CDKL1: variants seen among roughly 807,000 people sequenced by gnomAD.
CDKL1 encodes cyclin-dependent kinase-like 1.
In CDKL1, 41 loss-of-function variants were observed where a neutral mutation model predicts 42.0. The observed-to-expected ratio is 0.98, with a 90% CI of 0.76 to 1.27. The LOEUF is 1.27. Ranked by LOEUF, CDKL1 falls within the 50% of genes most tolerant of loss-of-function variation. The pLI is 0.00. For synonymous variants in CDKL1, 153 were observed against 158.6 expected (o/e 0.96, Z 0.26); for missense variants, 394 against 428.4 (o/e 0.92, Z 0.71).
chr14:50,354,995 C>G (rs1226068609), intron 3 of CDKL1, among the ~76,000 whole-genome samples: 2 of 151,924 alleles, frequency 1.3e-5, no homozygotes. Flanking sequence ...GATTACTTGT[C>G]TTTTTTCCCA....
At chr14:50,369,921 TTA>T (rs2034543360) in intron 2 of CDKL1, among the ~76,000 whole-genome samples, 3 of 152,140 alleles carry the variant, frequency 2.0e-5, no homozygotes, top group African/African-American at 7.2e-5. Flanking sequence ...GCCTGGCTAA[TTA>T]TATATGTTTA....
chr14:50,332,008 C>G (rs759502419), intron 9 of CDKL1: 1 of 1,532,698 alleles, frequency 6.5e-7, no homozygotes. Flanking sequence ...TTGTTGAGAC[C>G]TGTGCTCATG....
intron 3 of CDKL1, among the ~76,000 whole-genome samples, chr14:50,350,340 G>T (rs553536369): frequency 2.0e-5 from 3 of 152,196 alleles, no homozygotes; most frequent in Non-Finnish European, 4.4e-5. Flanking sequence ...AGTGGGGAAG[G>T]GCTAGAACAG....
intron 4 of CDKL1, chr14:50,342,906 C>T (rs1416888203): frequency 1.3e-5 from 17 of 1,334,712 alleles, no homozygotes; most frequent in East Asian, 5.0e-5. Context: ...CAGCCCTCAC[C>T]CTCTGGGGAG....
intron 2 of CDKL1, among the ~76,000 whole-genome samples, chr14:50,368,443 T>G (rs900248790): frequency 2.0e-5 from 3 of 151,398 alleles, no homozygotes; most frequent in South Asian, 2.1e-4. Flanking sequence ...TTTAAAATTT[T>G]TTTAGAGACA....
chr14:50,384,124 GCT>G (rs2035004183), intron 2 of CDKL1, among the ~76,000 whole-genome samples: 1 of 152,196 alleles, frequency 6.6e-6, no homozygotes, highest in South Asian at 2.1e-4. Context: ...GCAAGGGAAT[GCT>G]CTGTTTTGTC....
intron 8 of CDKL1, 126 bp downstream of exon 8, chr14:50,334,439 G>A: frequency 2.8e-6 from 2 of 708,410 alleles, no homozygotes; most frequent in Non-Finnish European, 5.0e-6. Flanking sequence ...GTGAGCCACT[G>A]CCCAGCCAGG....
intron 3 of CDKL1, among the ~76,000 whole-genome samples, chr14:50,354,666 A>T (rs2034003901): frequency 6.6e-6 from 1 of 152,246 alleles, no homozygotes; most frequent in African/African-American, 2.4e-5. Flanking sequence ...ACTGGGAATT[A>T]TAATTGACAT....
intron 2 of CDKL1, among the ~76,000 whole-genome samples, chr14:50,359,574 TCTTA>T (rs1483223288): frequency 6.6e-6 from 1 of 152,102 alleles, no homozygotes; most frequent in Admixed American, 6.5e-5. Context: ...AATATGTAAT[TCTTA>T]CTTAGTAATT....
chr14:50,339,514 GAGGGAGGA>G (rs1252697521), intron 6 of CDKL1, among the ~76,000 whole-genome samples: 1 of 146,230 alleles, frequency 6.8e-6, no homozygotes, highest in African/African-American at 2.5e-5. Flanking sequence ...GGAAGAGAGG[GAGGGAGGA>G]AGAGAGGGAG....
intron 2 of CDKL1, among the ~76,000 whole-genome samples, chr14:50,375,864 T>C (rs1312465524): frequency 6.6e-6 from 1 of 152,050 alleles, no homozygotes; most frequent in Non-Finnish European, 1.5e-5. Flanking sequence ...CGTGGTCTTC[T>C]AGCCCATAAC....
chr14:50,362,975 G>A lies in CDKL1; in HGVS notation c.169-3826C>T, dbSNP rs11570811. ...GCTGCTCACGCTTTGGGTCCGCACT[G>A]CTGTAACACTTATGGCAAAGGGCTG... On this transcript the variant is annotated intron_variant, in intron 2 of 9. Transcript: ENST00000395834. The A allele has an allele frequency of 2.6e-3, 1,221 of 465,776 alleles. 13 individuals carry two copies. In the Middle Eastern group the frequency reaches 0.04, roughly 15 times the overall value. The allele number at this position is 465,776 out of a possible 1,614,324, so 28.9% of individuals were successfully genotyped here.
intron 3 of CDKL1, among the ~76,000 whole-genome samples, chr14:50,347,404 T>A (rs576507575): frequency 6.6e-6 from 1 of 152,132 alleles, no homozygotes; most frequent in Non-Finnish European, 1.5e-5. Flanking sequence ...TCACCTTATA[T>A]AGGATGGCCC....
intron 6 of CDKL1, 66 bp downstream of exon 6, chr14:50,340,966 C>A (rs2033493512): frequency 6.4e-7 from 1 of 1,566,844 alleles, no homozygotes; most frequent in South Asian, 1.2e-5. Flanking sequence ...GAGAACTTGG[C>A]TCTGCCCTGC....
intron 9 of CDKL1, chr14:50,332,025 G>A (rs4901016): frequency 0.57 from 877,799 of 1,537,272 alleles, 251,309 homozygotes; most frequent in East Asian, 0.61. Flanking sequence ...CATGCAGGCT[G>A]GAAACCCTGG....
Position 50,326,324 on chromosome 14 carries a change from T to C in CDKL1, c.*3750A>G, listed in dbSNP as rs999539524. The stretch of plus-strand genomic sequence containing the variant: ...CTATAGATATCTCTTGATGTAGATA[T>C]TTAGAATCCTTTAAAGTTATTTGTA... On this transcript the variant is annotated 3_prime_UTR_variant, in exon 10 of 10. Transcript: ENST00000395834. The C allele has an allele frequency of 1.5e-6, 1 of 663,300 alleles. No homozygotes were observed. The highest frequency in any genetic ancestry group is 1.9e-6 in the Non-Finnish European group (1 of 535,990). The allele number at this position is 663,300 out of a possible 1,614,324, so 41.1% of individuals were successfully genotyped here. A position where few individuals can be genotyped will look rare whatever the true frequency, so the allele number is the denominator to read the frequency against.
intron 2 of CDKL1, 142 bp from the exon 3 acceptor site, chr14:50,359,291 C>G: frequency 3.4e-6 from 3 of 890,120 alleles, no homozygotes; most frequent in Non-Finnish European, 4.9e-6. Flanking sequence ...TATCATCTTA[C>G]CCCTCTTAAC....
chr14:50,342,551 A>T (rs2033583317), intron 4 of CDKL1: 2 of 443,300 alleles, frequency 4.5e-6, no homozygotes, highest in South Asian at 1.1e-4. Context: ...AATACATCCC[A>T]TGAAGCACTT....
Position 50,338,959 on chromosome 14 carries a change from G to A in CDKL1, c.726C>T (p.Asp242=), listed in dbSNP as rs1330272739. The A allele has an allele frequency of 3.1e-6, 5 of 1,607,752 alleles. No individual in the cohort carries two copies. Among genetic ancestry groups the A allele is most frequent in the Non-Finnish European group, 4.3e-6 (5 of 1,174,290 alleles). ...NQYFSGVKIP[D]PEDMEPLELK... ...ATGGGTAACTCACCATATCTTCAGGGTCTGGAATTTTCACTCCACTGAAGT... is the reference window on the plus strand; with the variant it reads ...ATGGGTAACTCACCATATCTTCAGGATCTGGAATTTTCACTCCACTGAAGT... The change falls in exon 7 of 10, where the codon GAC becomes GAT. Residue 242 remains aspartate, a synonymous_variant. Coordinates refer to ENST00000395834, the MANE Select transcript of CDKL1 (RefSeq NM_004196.7).
Sources: gnomAD v4.1 joint callset for allele counts (sites outside exome capture counted in the v4.1 genomes callset) on GRCh38, gnomAD v4.1.1 for gene constraint, MANE v1.5 for transcripts, NCBI Gene and HGNC (gene_info 2026-07-23, HGNC 2026-07-21) for gene names.